Variants in KLK5 observed in about 807,000 individuals in gnomAD.
KLK5 encodes kallikrein related peptidase 5, also known as kallikrein-5.
KLK5 carries 18 observed loss-of-function variants against 24.0 expected under a neutral mutation model. The observed-to-expected ratio is 0.75, with a 90% CI of 0.52 to 1.11. KLK5 has a LOEUF of 1.11. KLK5 is among the 50% of genes most tolerant of loss of function. The pLI, the probability that KLK5 is intolerant of heterozygous loss-of-function variation, is 0.00. For synonymous variants in KLK5, 140 were observed against 154.0 expected (o/e 0.91, Z 0.67); for missense variants, 374 against 379.2 (o/e 0.99, Z 0.11).
Position 50,948,630 on chromosome 19 carries a change from G to A in KLK5, c.726+10C>T, listed in dbSNP as rs2090655531. 6.2e-7 allele frequency: 1 copy of A among 1,613,860 alleles called. No individual in the cohort carries two copies. The highest frequency in any genetic ancestry group is 1.3e-5 in the African/African-American group (1 of 74,866). On this transcript the variant is annotated intron_variant, in intron 5 of 5. Coordinates refer to ENST00000336334, the MANE Select transcript of KLK5 (RefSeq NM_012427.5). ...GTGTGTATCTGCTGAATAAAGAGAG[G>A]TGTCCTCACCTGGCAGGAGTCTCTA...
intron 5 of KLK5, among the ~76,000 whole-genome samples, chr19:50,944,988 TTTTC>T (rs992387394): frequency 7.0e-4 from 106 of 151,658 alleles, no homozygotes; most frequent in African/African-American, 2.3e-3. Context: ...CTTTCTTTCT[TTTTC>T]TTTCTTTCTC....
intron 2 of KLK5, among the ~76,000 whole-genome samples, 186 bp downstream of exon 2, chr19:50,952,399 G>A (rs1407818274): frequency 1.3e-5 from 2 of 152,018 alleles, no homozygotes; most frequent in Non-Finnish European, 2.9e-5. Flanking sequence ...CCCCCTCCCC[G>A]ACACACACCG....
In KLK5 at chr19:50,947,241, T is replaced by C. The variant is rs1397051717; in HGVS notation, c.726+1399A>G. 2.0e-5 allele frequency among the ~76,000 whole-genome samples: 3 copies of C among 152,212 alleles called. No individual in the cohort carries two copies. Among genetic ancestry groups the C allele is most frequent in the African/African-American group, 7.2e-5 (3 of 41,458 alleles). On this transcript the variant is annotated intron_variant, in intron 5 of 5. Coordinates refer to ENST00000336334, the MANE Select transcript of KLK5 (RefSeq NM_012427.5). This position sits in a 1 kb window ranked among gnomAD's most constrained non-coding sequence, Gnocchi z 8.7. ...GAAATACTTGCAGAGCATTCGCCCC[T>C]GCCTACACCTCCAGCGTCACTTTCT...
intron 5 of KLK5, 99 bp downstream of exon 5, chr19:50,948,541 C>T (rs772600503): frequency 2.4e-5 from 29 of 1,221,432 alleles, no homozygotes; most frequent in African/African-American, 3.0e-5. Flanking sequence ...GGGGTCCTGA[C>T]TGTCTTGGCA....
In KLK5 at chr19:50,949,090, A is replaced by G; in HGVS notation, c.361T>C (p.Tyr121His). ...GATTCATAAACTGGTGACAGGGAGT[A>G]GTGGCCGAGACGGACTCTGAAAACT... is the stretch of plus-strand genomic sequence containing the variant. Reference protein sequence around the residue: ...KKVFRVRLGHYSLSPVYESGQ... With the variant: ...KKVFRVRLGHHSLSPVYESGQ... Residue 121 changes from tyrosine to histidine, a missense_variant, in exon 4 of 6, where the codon TAC becomes CAC. By Grantham distance (83) the Tyr-to-His change is moderately conservative (BLOSUM62 2). Coordinates refer to ENST00000336334, the MANE Select transcript of KLK5 (RefSeq NM_012427.5). 6.2e-7 allele frequency: 1 copy of G among 1,613,122 alleles called. No homozygotes were observed. Among genetic ancestry groups the G allele is most frequent in the Non-Finnish European group, 8.5e-7 (1 of 1,179,944 alleles).
At chr19:50,945,792 AAAAAG>A (rs59621643) in intron 5 of KLK5, among the ~76,000 whole-genome samples, 236 of 149,320 alleles carry the variant, frequency 1.6e-3, no homozygotes, top group South Asian at 3.9e-3. Flanking sequence ...CTCCGTCTCA[AAAAAG>A]AAAAGAAAAG....
chr19:50,949,797 C>CCGTCCCCACCAGCCCTCACCTCCATAA, intron 3 of KLK5, 58 bp downstream of exon 3: 1 of 213,400 alleles, frequency 4.7e-6, no homozygotes, highest in South Asian at 5.3e-5. Flanking sequence ...CCCCACTTCC[C>CCGTCCCCACCAGCCCTCACCTCCATAA]CACCCCCACC....
At chr19:50,950,222 G>A in intron 2 of KLK5, 106 bp from the exon 3 acceptor site, 1 of 1,079,412 alleles carries the variant, frequency 9.3e-7, no homozygotes. Flanking sequence ...TGTCTGACAT[G>A]CTGAGGGGGC....
Position 50,949,899 on chromosome 19 carries a change from C to G in KLK5, c.291G>C (p.Leu97Phe). 6.2e-7 allele frequency: 1 copy of G among 1,612,466 alleles called. No individual in the cohort carries two copies. The highest frequency in any genetic ancestry group is 8.5e-7 in the Non-Finnish European group (1 of 1,179,702). ...CCGTGAGCAGCCACTGTGGATGCAC[C>G]AACACCGCCCCGCAGTAGAGCTGGT... Reference protein sequence around the residue: ...RPNQLYCGAVLVHPQWLLTAA... With the variant: ...RPNQLYCGAVFVHPQWLLTAA... Residue 97 changes from leucine (L) to phenylalanine (F), a missense_variant, in exon 3 of 6, where the codon TTG becomes TTC. Transcript: ENST00000336334.
intron 3 of KLK5, among the ~76,000 whole-genome samples, chr19:50,949,607 C>T (rs1489518186): frequency 6.6e-6 from 1 of 151,960 alleles, no homozygotes; most frequent in Non-Finnish European, 1.5e-5. Context: ...AACACTCTCC[C>T]CTCTCCAACC....
Position 50,950,061 on chromosome 19 carries a change from G to A in KLK5, c.129C>T (p.Pro43=). The A allele has an allele frequency of 6.2e-7, 1 of 1,613,834 alleles. No individual in the cohort carries two copies. Among genetic ancestry groups the A allele is most frequent in the Non-Finnish European group, 8.5e-7 (1 of 1,179,966 alleles). Residue 43 remains proline, a synonymous_variant, in exon 3 of 6, where the codon CCC becomes CCT. Coordinates refer to ENST00000336334, the MANE Select transcript of KLK5 (RefSeq NM_012427.5). ...VSCDHPSNTV[P]SGSNQDLGAG... is the part of the protein sequence containing the mutation. ...CTCCCAGGTCCTGGTTGCTCCCAGA[G>A]GGCACGGTGTTAGAGGGGTGGTCAC...
In KLK5 at chr19:50,943,646, G is replaced by A; in HGVS notation, c.867C>T (p.Ile289=). The A allele has an allele frequency of 6.2e-7, 1 of 1,614,024 alleles. No homozygotes were observed. The highest frequency in any genetic ancestry group is 1.1e-5 in the South Asian group (1 of 91,052). Residue 289 remains isoleucine, a synonymous_variant, in exon 6 of 6, where the codon ATC becomes ATT. Transcript: ENST00000336334. ...CKFTKWIQET[I]QANS is the part of the protein sequence containing the mutation. The stretch of plus-strand genomic sequence containing the variant: ...CTGGGATGACTCAGGAGTTGGCCTG[G>A]ATGGTTTCCTGGATCCACTTGGTGA...
rs1330932317 is a variant in KLK5, at chr19:50,947,416, T to G, written c.726+1224A>C. Among the ~76,000 whole-genome samples, 1 of 152,196 alleles carries G rather than the reference T, an allele frequency of 6.6e-6. No individual in the cohort carries two copies. The highest frequency in any genetic ancestry group is 1.5e-5 in the Non-Finnish European group (1 of 68,034). On this transcript the variant is annotated intron_variant, in intron 5 of 5. Coordinates refer to ENST00000336334, the MANE Select transcript of KLK5 (RefSeq NM_012427.5). The surrounding 1 kb of genome is among the most constrained non-coding windows in gnomAD (Gnocchi z 8.7). ...TAGCTTCTTTGTGTCATCCATTCTC[T>G]GCTCAAATGCCACCTCTCCAAGGAG...
At chr19:50,944,288 G>A (rs1397058597) in intron 5 of KLK5, among the ~76,000 whole-genome samples, 1 of 152,120 alleles carries the variant, frequency 6.6e-6, no homozygotes, top group Non-Finnish European at 1.5e-5. Context: ...TTACAGGCGT[G>A]AGCCACCATG....
At position 50,943,511 on chromosome 19, in the gene KLK5, G is replaced by A; in HGVS notation, c.*120C>T. ...AGACCCTGAGTCCAGGAGACATGGG[G>A]TCAGGGGCTGGAGAGATGAACATTC... On this transcript the variant is annotated 3_prime_UTR_variant, in exon 6 of 6. Transcript: ENST00000336334. The A allele has an allele frequency of 1.0e-6, 1 of 956,748 alleles. No homozygotes were observed. Among genetic ancestry groups the A allele is most frequent in the South Asian group, 1.6e-5 (1 of 62,144 alleles). 59.3% of individuals were successfully genotyped at this position (956,748 alleles called of 1,614,324 possible).
Position 50,949,046 on chromosome 19 carries a change from CT to C in KLK5, c.404del (p.Gln135ArgfsTer25). Reference protein sequence around the residue: ...PVYESGQQMFQGVKSIPHPGY... With the variant: ...PVYESGQQMFXGVKSIPHPGY... ...CAGGGTGGGGGATGGATTTGACCCCCTGGAACATCTGCTGCCCAGATTCATA... is the reference window on the plus strand; with the variant it reads ...CAGGGTGGGGGATGGATTTGACCCCCGGAACATCTGCTGCCCAGATTCATA... On this transcript the variant is annotated frameshift_variant, in exon 4 of 6. Transcript: ENST00000336334. LOFTEE classifies it high-confidence loss of function. The C allele has an allele frequency of 6.2e-7, 1 of 1,613,774 alleles. No individual in the cohort carries two copies. The highest frequency in any genetic ancestry group is 1.1e-5 in the South Asian group (1 of 91,058).
In KLK5 at chr19:50,945,447, T is replaced by C. The variant is rs570045745; in HGVS notation, c.727-1661A>G. ...AAAATAGCCACTCGGCTAATATTTATGAAGAAAATGAAAAGTAGCTTGAGT... is the reference window on the plus strand; with the variant it reads ...AAAATAGCCACTCGGCTAATATTTACGAAGAAAATGAAAAGTAGCTTGAGT... On this transcript the variant is annotated intron_variant, in intron 5 of 5. Transcript: ENST00000336334. Among the ~76,000 whole-genome samples, 34 of 151,794 alleles carry C rather than the reference T, an allele frequency of 2.2e-4. No individual in the cohort carries two copies. In the South Asian group the frequency reaches 4.0e-3, roughly 18 times the overall value.
intron 5 of KLK5, among the ~76,000 whole-genome samples, chr19:50,946,909 C>A (rs550581477): frequency 2.2e-3 from 336 of 152,206 alleles, no homozygotes; most frequent in Non-Finnish European, 3.7e-3. Flanking sequence ...CCCACCCCCC[C>A]ACACCCAGGG....
chr19:50,951,458 A>G (rs928672898), intron 2 of KLK5, among the ~76,000 whole-genome samples: 3 of 151,886 alleles, frequency 2.0e-5, no homozygotes, highest in African/African-American at 7.3e-5. Flanking sequence ...TTTTTAGTAG[A>G]GACGGGGTTC....
Sources: gnomAD v4.1 joint callset for allele counts (sites outside exome capture counted in the v4.1 genomes callset) on GRCh38, gnomAD v4.1.1 for gene constraint, Gnocchi (gnomAD v3.1) non-coding constraint, MANE v1.5 for transcripts, NCBI Gene and HGNC (gene_info 2026-07-23, HGNC 2026-07-21) for gene names.